The following ARHGAP22 variants were observed in gnomAD, a reference collection of about 807,000 sequenced individuals.
ARHGAP22 encodes the protein Rho GTPase activating protein 22.
ARHGAP22 carries 48 observed loss-of-function variants against 59.1 expected under a neutral mutation model. That is an observed-to-expected ratio of 0.81 (90% CI 0.64 to 1.03). ARHGAP22 has a LOEUF of 1.03. ARHGAP22 is among the 50% of genes least tolerant of loss of function. The pLI is 0.00. For missense variants in ARHGAP22, 1,015 were observed against 958.7 expected, an observed-to-expected ratio of 1.06 and a Z score of -0.78; for synonymous variants, 445 against 416.4, an observed-to-expected ratio of 1.07 and a Z score of -0.84.
intron 5 of ARHGAP22, among the ~76,000 whole-genome samples, chr10:48,458,713 G>C (rs762731804): frequency 1.3e-5 from 2 of 152,200 alleles, no homozygotes; most frequent in African/African-American, 2.4e-5. Context: ...AAGAGGCCTG[G>C]CTGGCTGAGG....
chr10:48,493,580 C>T, intron 3 of ARHGAP22: 1 of 1,504,464 alleles, frequency 6.6e-7, no homozygotes, highest in Non-Finnish European at 8.9e-7. Context: ...CGAGGCACTC[C>T]TCCACTGCAG....
At chr10:48,454,835 C>A (rs938932564) in intron 6 of ARHGAP22, among the ~76,000 whole-genome samples, 167 bp downstream of exon 6, 5 of 152,006 alleles carry the variant, frequency 3.3e-5, no homozygotes, top group African/African-American at 1.2e-4. Context: ...GGCCCCTCCC[C>A]CACCCAAGCA....
intron 3 of ARHGAP22, among the ~76,000 whole-genome samples, chr10:48,482,085 T>C (rs898630227): frequency 2.0e-5 from 3 of 152,238 alleles, no homozygotes; most frequent in African/African-American, 7.2e-5. Context: ...TAACAGTGTA[T>C]TTCCAAGAGC....
rs779385256 is a variant in ARHGAP22, at chr10:48,528,697, G to T, written c.322+26766C>A. Among the ~76,000 whole-genome samples, 2 of 152,242 alleles carry T rather than the reference G, an allele frequency of 1.3e-5. 1 individual carries two copies. Among genetic ancestry groups the T allele is most frequent in the Middle Eastern group, 6.8e-3 (2 of 294 alleles). On this transcript the variant is annotated intron_variant, in intron 3 of 9. Transcript: ENST00000249601. ...CCTAGTGGGAGGTATTTGGGTCATG[G>T]GGCTGATTCTTTATGAATGGCCTGG... is the stretch of plus-strand genomic sequence containing the variant.
chr10:48,503,722 C>T (rs1027490346), intron 3 of ARHGAP22, among the ~76,000 whole-genome samples: 1 of 152,266 alleles, frequency 6.6e-6, no homozygotes, highest in Non-Finnish European at 1.5e-5. Flanking sequence ...GATGTCCCCT[C>T]CTCAGCCCAA....
chr10:48,452,372 G>A (rs1007675989), intron 8 of ARHGAP22, among the ~76,000 whole-genome samples: 2 of 152,172 alleles, frequency 1.3e-5, no homozygotes, highest in African/African-American at 4.8e-5. Flanking sequence ...AAGAACCTAG[G>A]TGAAGCAGGA....
In ARHGAP22 at chr10:48,450,479, C is replaced by A. The variant is rs549123585; in HGVS notation, c.1650G>T (p.Glu550Asp). 3.9e-6 allele frequency: 6 copies of A among 1,537,624 alleles called. No homozygotes were observed. Among genetic ancestry groups the A allele is most frequent in the Non-Finnish European group, 5.3e-6 (6 of 1,140,770 alleles). ...CGCTGCTGCTGGGGAGCGGGGAGGG[C>A]TCCAGGGCCCAGTCGGTGTGCAGGG... Reference protein sequence around the residue: ...RSSLHTDWALEPSPLPSSSED... With the variant: ...RSSLHTDWALDPSPLPSSSED... Residue 550 changes from glutamate (E) to aspartate (D), a missense_variant, in exon 9 of 10, where the codon GAG becomes GAT. Glu to Asp is a conservative substitution (Grantham distance 45). Transcript: ENST00000249601.
chr10:48,582,081 C>A (rs995962223), intron 2 of ARHGAP22, among the ~76,000 whole-genome samples: 3 of 152,210 alleles, frequency 2.0e-5, no homozygotes, highest in African/African-American at 7.2e-5. Flanking sequence ...CCCCCTTCAC[C>A]CCTTGCCCAT....
intron 2 of ARHGAP22, among the ~76,000 whole-genome samples, chr10:48,570,366 G>C (rs1338065998): frequency 6.6e-6 from 1 of 152,156 alleles, no homozygotes. Flanking sequence ...TTTTAAAAAA[G>C]GAAATATCTG....
In ARHGAP22 at chr10:48,450,635, C is replaced by G. The variant is rs78948042; in HGVS notation, c.1494G>C (p.Pro498=). Residue 498 remains proline (P), a synonymous_variant, in exon 9 of 10, where the codon CCG becomes CCC. Coordinates refer to ENST00000249601, the MANE Select transcript of ARHGAP22 (RefSeq NM_021226.4). ...CGCTGGGTATGCCGGGGACCAGGCC[C>G]GGCGCGGGCACATTGTCGTAGGTGG... is the stretch of plus-strand genomic sequence containing the variant. ...RLSTYDNVPA[P]GLVPGIPSVA... 1.3e-6 allele frequency: 2 copies of G among 1,549,648 alleles called. No homozygotes were observed. The highest frequency in any genetic ancestry group is 2.4e-5 in the South Asian group (2 of 84,068).
At chr10:48,564,210 G>A (rs1416368061) in intron 2 of ARHGAP22, among the ~76,000 whole-genome samples, 2 of 152,094 alleles carry the variant, frequency 1.3e-5, no homozygotes, top group African/African-American at 2.4e-5. Context: ...AAAAATGGAT[G>A]CATAACAATC....
chr10:48,513,070 G>A (rs1414563533), intron 3 of ARHGAP22, among the ~76,000 whole-genome samples: 1 of 151,672 alleles, frequency 6.6e-6, no homozygotes, highest in African/African-American at 2.4e-5. Context: ...AATCCCCCGT[G>A]CTTCCACAGA....
At chr10:48,438,038 A>G in the ARHGAP22 span, 1 of 152,266 alleles carries the variant, frequency 6.6e-6, no homozygotes, top group Non-Finnish European at 1.5e-5. Flanking sequence ...ACATATGAAG[A>G]CTTAACTATT....
chr10:48,616,821 G>T (rs775013626), intron 1 of ARHGAP22, among the ~76,000 whole-genome samples: 3 of 152,012 alleles, frequency 2.0e-5, no homozygotes, highest in Non-Finnish European at 4.4e-5. Flanking sequence ...TAACCTACAA[G>T]ATCTATTAAA....
intron 1 of ARHGAP22, among the ~76,000 whole-genome samples, chr10:48,583,723 GC>G (rs2059255751): frequency 6.6e-6 from 1 of 152,162 alleles, no homozygotes; most frequent in African/African-American, 2.4e-5. Context: ...TTTCTGCTTA[GC>G]CCCTCTACTC....
chr10:48,444,190 A>T (rs908602902), downstream of ARHGAP22: 1 of 152,232 alleles, frequency 6.6e-6, no homozygotes, highest in Admixed American at 6.5e-5. Flanking sequence ...TTCATAATTC[A>T]TGTAATTCAT....
chr10:48,630,697 T>G (rs2061601217), intron 1 of ARHGAP22, among the ~76,000 whole-genome samples: 1 of 152,210 alleles, frequency 6.6e-6, no homozygotes, highest in South Asian at 2.1e-4. Context: ...TTCCATCAAT[T>G]TTATGGAATT....
At chr10:48,462,068 C>T (rs546783031) in intron 4 of ARHGAP22, among the ~76,000 whole-genome samples, 2 of 152,200 alleles carry the variant, frequency 1.3e-5, no homozygotes, top group African/African-American at 4.8e-5. Flanking sequence ...CACATGCCCG[C>T]GTGGGCTACA....
chr10:48,556,434 T>G (rs2057315194), intron 2 of ARHGAP22: 1 of 152,328 alleles, frequency 6.6e-6, no homozygotes, highest in South Asian at 2.1e-4. Flanking sequence ...TCAGTGACTA[T>G]GAGCTGTGCT....
Sources: gnomAD v4.1 joint callset for allele counts (sites outside exome capture counted in the v4.1 genomes callset) on GRCh38, gnomAD v4.1.1 for gene constraint, MANE v1.5 for transcripts, NCBI Gene and HGNC (gene_info 2026-07-23, HGNC 2026-07-21) for gene names.